Variants in TFAP2D observed in about 807,000 individuals in gnomAD.
TFAP2D encodes transcription factor AP-2-delta.
A neutral mutation model predicts 43.6 loss-of-function variants in TFAP2D; 9 were observed. The observed-to-expected ratio is 0.21, with a 90% CI of 0.12 to 0.36. The LOEUF is 0.36. Among genes scored for constraint, TFAP2D ranks in the 10% least tolerant of loss-of-function variants. The pLI, the probability that TFAP2D is intolerant of heterozygous loss-of-function variation, is 1.00. For synonymous variants in TFAP2D, 256 were observed against 224.9 expected (o/e 1.14, Z -1.24); for missense variants, 513 against 561.4 (o/e 0.91, Z 0.87).
chr6:50,743,658 C>A (rs926932781), intron 5 of TFAP2D, among the ~76,000 whole-genome samples: 4 of 152,000 alleles, frequency 2.6e-5, no homozygotes, highest in Non-Finnish European at 5.9e-5. Flanking sequence ...GTGCTAGCAT[C>A]TTTACTAAGG....
chr6:50,765,981 G>GT (rs2113894478), intron 7 of TFAP2D, among the ~76,000 whole-genome samples: 1 of 152,254 alleles, frequency 6.6e-6, no homozygotes, highest in South Asian at 2.1e-4. Context: ...GAGCTTTATA[G>GT]TTTTGGTCTT....
chr6:50,715,460 C>T lies in TFAP2D; in HGVS notation c.384C>T (p.Asp128=). The change falls in exon 2 of 8, where the codon GAC becomes GAT. Residue 128 remains aspartate (D), a synonymous_variant. Transcript: ENST00000008391. ...NARALKSSCL[D]EQRRELGCLD... is the part of the protein sequence containing the mutation. The stretch of plus-strand genomic sequence containing the variant: ...GGGCGCTCAAGTCGTCCTGCCTGGA[C>T]GAGCAGAGGCGGGAGCTGGGCTGCC... The T allele has an allele frequency of 3.1e-6, 5 of 1,614,110 alleles. No individual in the cohort carries two copies. The highest frequency in any genetic ancestry group is 4.2e-6 in the Non-Finnish European group (5 of 1,180,036).
At chr6:50,726,003 C>A (rs1183307463) in intron 3 of TFAP2D, among the ~76,000 whole-genome samples, 1 of 152,112 alleles carries the variant, frequency 6.6e-6, no homozygotes, top group Admixed American at 6.5e-5. Flanking sequence ...AAAATAAATC[C>A]TTCAGGCAAT....
intron 7 of TFAP2D, among the ~76,000 whole-genome samples, chr6:50,756,695 C>G (rs1416016092): frequency 6.6e-6 from 1 of 151,958 alleles, no homozygotes; most frequent in East Asian, 1.9e-4. Context: ...TACTGAGTAC[C>G]ATCAACAGTG....
intron 3 of TFAP2D, among the ~76,000 whole-genome samples, chr6:50,725,315 G>A (rs1229936852): frequency 6.6e-6 from 1 of 152,206 alleles, no homozygotes; most frequent in Non-Finnish European, 1.5e-5. Flanking sequence ...ACCTTGAGCA[G>A]ATAGTTTCTG....
intron 6 of TFAP2D, among the ~76,000 whole-genome samples, chr6:50,746,222 A>G (rs1219557915): frequency 6.7e-6 from 1 of 148,192 alleles, no homozygotes; most frequent in Non-Finnish European, 1.5e-5. Context: ...ATTCAGGGAA[A>G]AGTATTTTGT....
intron 7 of TFAP2D, among the ~76,000 whole-genome samples, chr6:50,767,566 C>T (rs1187851757): frequency 6.6e-6 from 1 of 152,154 alleles, no homozygotes; most frequent in Non-Finnish European, 1.5e-5. Context: ...CCTCTCATCA[C>T]TTTGGCAAGT....
chr6:50,740,454 G>C (rs548472073), intron 5 of TFAP2D, among the ~76,000 whole-genome samples: 2 of 152,050 alleles, frequency 1.3e-5, no homozygotes, highest in African/African-American at 4.8e-5. Context: ...TTTGTTTTGA[G>C]ATGTAGTCTC....
At chr6:50,764,168 A>C (rs1358552155) in intron 7 of TFAP2D, among the ~76,000 whole-genome samples, 1 of 152,144 alleles carries the variant, frequency 6.6e-6, no homozygotes, top group Non-Finnish European at 1.5e-5. Context: ...CAAAGATTAA[A>C]GATTACCTAA....
chr6:50,735,862 A>G (rs1012859056), intron 5 of TFAP2D, among the ~76,000 whole-genome samples: 5 of 152,206 alleles, frequency 3.3e-5, no homozygotes, highest in Non-Finnish European at 5.9e-5. Context: ...CTTTGGAAAG[A>G]AGTATCATTG....
intron 5 of TFAP2D, among the ~76,000 whole-genome samples, chr6:50,735,324 C>A (rs1768946900): frequency 6.6e-6 from 1 of 152,068 alleles, no homozygotes; most frequent in South Asian, 2.1e-4. Context: ...TGAGTTACTT[C>A]TGAATTTAAC....
intron 6 of TFAP2D, among the ~76,000 whole-genome samples, chr6:50,746,676 C>A (rs1206774700): frequency 6.6e-6 from 1 of 152,004 alleles, no homozygotes; most frequent in Non-Finnish European, 1.5e-5. Context: ...TGCATAAAAC[C>A]AAAACTAAAT....
rs71305731 is a variant in TFAP2D, at chr6:50,714,104, CTTTTT to C, written c.39+26_39+30del. On this transcript the variant is annotated intron_variant, in intron 1 of 7. Coordinates refer to ENST00000008391, the MANE Select transcript of TFAP2D (RefSeq NM_172238.4). ...AGTCCACGATGCCGAGGTATTATTA[CTTTTT>C]TTTTTTTTTTTTTTTGAGCGCGCGT... 359 of 1,395,802 alleles carry C rather than the reference CTTTTT, an allele frequency of 2.6e-4. No individual in the cohort carries two copies. The highest frequency in any genetic ancestry group is 1.2e-3 in the Admixed American group (46 of 38,460). The allele number at this position is 1,395,802 out of a possible 1,614,324, so 86.5% of individuals were successfully genotyped here.
chr6:50,768,448 A>G (rs1769477021), intron 7 of TFAP2D, among the ~76,000 whole-genome samples: 1 of 150,890 alleles, frequency 6.6e-6, no homozygotes, highest in South Asian at 2.1e-4. Flanking sequence ...ATCCTGCCAC[A>G]TTGGCATCTC....
chr6:50,719,700 C>T (rs1190690932), intron 3 of TFAP2D, among the ~76,000 whole-genome samples: 2 of 152,136 alleles, frequency 1.3e-5, no homozygotes, highest in Non-Finnish European at 2.9e-5. Context: ...ATTGTAGCTG[C>T]CCTTATTTTT....
chr6:50,724,847 A>T (rs1883412), intron 3 of TFAP2D, among the ~76,000 whole-genome samples: 12,189 of 151,538 alleles, frequency 0.08, 499 homozygotes, highest in Middle Eastern at 0.14. Flanking sequence ...TTGTTTTTTT[A>T]AAAAAAAGTG....
chr6:50,743,380 G>GTTTTT (rs919268615), intron 5 of TFAP2D, among the ~76,000 whole-genome samples: 3 of 151,856 alleles, frequency 2.0e-5, no homozygotes, highest in African/African-American at 7.3e-5. Context: ...GTTTTGTTTT[G>GTTTTT]TTTTGTTTTG....
At chr6:50,719,443 CAGAGAGAA>C (rs1473871200) in intron 3 of TFAP2D, among the ~76,000 whole-genome samples, 1 of 112,936 alleles carries the variant, frequency 8.9e-6, no homozygotes, top group Non-Finnish European at 1.8e-5. Context: ...AAGAAAAAGA[CAGAGAGAA>C]AGAAAGAAAG....
At chr6:50,742,592 A>AGAT (rs979726692) in intron 5 of TFAP2D, among the ~76,000 whole-genome samples, 2 of 150,722 alleles carry the variant, frequency 1.3e-5, no homozygotes, top group African/African-American at 4.9e-5. Flanking sequence ...ATAGATAGAT[A>AGAT]GATAGATAGA....
Sources: gnomAD v4.1 joint callset for allele counts (sites outside exome capture counted in the v4.1 genomes callset) on GRCh38, gnomAD v4.1.1 for gene constraint, MANE v1.5 for transcripts, NCBI Gene and HGNC (gene_info 2026-07-23, HGNC 2026-07-21) for gene names.